The following ADAMTS2 variants were observed in gnomAD, a reference collection of about 807,000 sequenced individuals.
ADAMTS2 encodes A disintegrin and metalloproteinase with thrombospondin motifs 2.
ADAMTS2 carries 50 observed loss-of-function variants against 123.0 expected under a neutral mutation model. The ratio of observed to expected loss-of-function variants is 0.41; its 90% CI spans 0.32 to 0.51. The LOEUF is 0.51. Ranked by LOEUF, ADAMTS2 falls within the 20% of genes least tolerant of loss-of-function variation. The probability of loss-of-function intolerance (pLI) is 0.35; values close to 1 mark genes in which losing one functional copy is unlikely to be tolerated. For synonymous variants in ADAMTS2, 678 were observed against 695.4 expected (o/e 0.98, Z 0.39); for missense variants, 1,494 against 1,705.2 (o/e 0.88, Z 2.18).
At chr5:179,224,532 T>C (rs13360479) in intron 3 of ADAMTS2, among the ~76,000 whole-genome samples, 10,757 of 152,290 alleles carry the variant, frequency 0.071, 1,251 homozygotes, top group African/African-American at 0.24. Flanking sequence ...CCTCTTGGCT[T>C]GTCTTTTGCT....
chr5:179,211,994 G>A (rs1764863030), intron 3 of ADAMTS2, among the ~76,000 whole-genome samples: 1 of 152,256 alleles, frequency 6.6e-6, no homozygotes. Context: ...CCAGAGAGGA[G>A]GAGTGGGCAC....
intron 3 of ADAMTS2, among the ~76,000 whole-genome samples, chr5:179,251,141 T>C (rs1765913548): frequency 6.6e-6 from 1 of 152,194 alleles, no homozygotes; most frequent in Non-Finnish European, 1.5e-5. Context: ...TCCTCCACTT[T>C]CTAATTGTGC....
At chr5:179,161,414 G>A (rs541434031) in intron 5 of ADAMTS2, among the ~76,000 whole-genome samples, 1 of 152,118 alleles carries the variant, frequency 6.6e-6, no homozygotes. Flanking sequence ...TGAGCCTGGG[G>A]GACCTTATGC....
At chr5:179,137,288 G>A (rs1212798074) in intron 12 of ADAMTS2, among the ~76,000 whole-genome samples, 1 of 152,238 alleles carries the variant, frequency 6.6e-6, no homozygotes, top group Non-Finnish European at 1.5e-5. Context: ...CCATGCCCAA[G>A]GCCACCAGAC....
intron 5 of ADAMTS2, among the ~76,000 whole-genome samples, chr5:179,174,026 A>AG (rs577534504): frequency 0.013 from 1,966 of 151,706 alleles, 42 homozygotes; most frequent in African/African-American, 0.045. Flanking sequence ...AAAAAAAAAA[A>AG]AAAGAAAGAA....
intron 5 of ADAMTS2, among the ~76,000 whole-genome samples, chr5:179,174,668 T>C (rs928981325): frequency 2.0e-5 from 3 of 152,270 alleles, no homozygotes; most frequent in African/African-American, 7.2e-5. Context: ...CTGAACTGTC[T>C]ATGAAAGTTT....
chr5:179,322,085 C>G (rs1187484156), intron 2 of ADAMTS2, among the ~76,000 whole-genome samples: 7 of 152,222 alleles, frequency 4.6e-5, no homozygotes, highest in Admixed American at 4.6e-4. Flanking sequence ...GGGAGACACA[C>G]AAAAATGTTG....
At chr5:179,204,006 G>A (rs1764623153) in intron 4 of ADAMTS2, among the ~76,000 whole-genome samples, 1 of 152,214 alleles carries the variant, frequency 6.6e-6, no homozygotes, top group Non-Finnish European at 1.5e-5. Flanking sequence ...CGGGATACTG[G>A]TCCTCCCTGA....
chr5:179,151,087 G>T (rs1208909257), intron 10 of ADAMTS2: 3 of 358,392 alleles, frequency 8.4e-6, no homozygotes, highest in Non-Finnish European at 1.2e-5. Flanking sequence ...AGTAGAGACG[G>T]GATTTTGCCA....
chr5:179,311,088 C>T (rs1179559145), intron 2 of ADAMTS2, among the ~76,000 whole-genome samples: 2 of 136,528 alleles, frequency 1.5e-5, no homozygotes, highest in African/African-American at 5.4e-5. Context: ...ATCTCAACAA[C>T]AACAGGAAAC....
intron 7 of ADAMTS2, 149 bp from the exon 8 acceptor site, chr5:179,154,341 C>A: frequency 8.5e-7 from 1 of 1,183,068 alleles, no homozygotes; most frequent in Non-Finnish European, 1.2e-6. Flanking sequence ...GACCATCTAC[C>A]TGCTGCAATT....
intron 2 of ADAMTS2, among the ~76,000 whole-genome samples, chr5:179,323,078 C>A (rs1042613137): frequency 6.6e-6 from 1 of 152,248 alleles, no homozygotes; most frequent in Non-Finnish European, 1.5e-5. Context: ...AACCAAGGAG[C>A]CCTCACCTGT....
intron 4 of ADAMTS2, among the ~76,000 whole-genome samples, chr5:179,186,945 G>A (rs1369165818): frequency 6.6e-6 from 1 of 150,810 alleles, no homozygotes; most frequent in Non-Finnish European, 1.5e-5. Flanking sequence ...CAGTGCCTTC[G>A]GAAGCAGGGC....
intron 2 of ADAMTS2, among the ~76,000 whole-genome samples, chr5:179,295,721 G>A (rs1756308539): frequency 6.6e-6 from 1 of 152,252 alleles, no homozygotes; most frequent in Admixed American, 6.5e-5. Context: ...GGGCAGAGGA[G>A]CCCCGTCCAT....
chr5:179,322,094 T>C (rs1301976662), intron 2 of ADAMTS2, among the ~76,000 whole-genome samples: 2 of 152,226 alleles, frequency 1.3e-5, no homozygotes, highest in African/African-American at 4.8e-5. Flanking sequence ...ACAAAAATGT[T>C]GAAAGCTAAT....
At chr5:179,306,335 G>A (rs1358322216) in intron 2 of ADAMTS2, among the ~76,000 whole-genome samples, 1 of 152,088 alleles carries the variant, frequency 6.6e-6, no homozygotes, top group East Asian at 1.9e-4. Flanking sequence ...GTGTAACCCA[G>A]CATATTAACA....
At chr5:179,263,824 G>A (rs1292391890) in intron 3 of ADAMTS2, among the ~76,000 whole-genome samples, 1 of 152,252 alleles carries the variant, frequency 6.6e-6, no homozygotes, top group African/African-American at 2.4e-5. Context: ...ATCTGACTGC[G>A]CGACCTTTCC....
chr5:179,268,599 G>A (rs975590209), intron 3 of ADAMTS2, among the ~76,000 whole-genome samples: 12 of 152,244 alleles, frequency 7.9e-5, no homozygotes, highest in East Asian at 1.9e-4. Context: ...CTCTGTGCAC[G>A]TGGTCTTGGA....
chr5:179,340,693 C>T (rs748565697), intron 2 of ADAMTS2, among the ~76,000 whole-genome samples: 4 of 152,102 alleles, frequency 2.6e-5, no homozygotes, highest in Non-Finnish European at 5.9e-5. Context: ...GGGATATGTT[C>T]CGTAGGGTGC....
Sources: gnomAD v4.1 joint callset for allele counts (sites outside exome capture counted in the v4.1 genomes callset) on GRCh38, gnomAD v4.1.1 for gene constraint, MANE v1.5 for transcripts, NCBI Gene and HGNC (gene_info 2026-07-23, HGNC 2026-07-21) for gene names.